Variants in KLF12 observed in about 807,000 individuals in gnomAD.
The protein encoded by KLF12 is Krueppel-like factor 12.
In KLF12, 9 loss-of-function variants were observed where a neutral mutation model predicts 37.8. The ratio of observed to expected loss-of-function variants is 0.24; its 90% CI spans 0.14 to 0.42. The LOEUF is 0.42. KLF12 is among the 10% of genes least tolerant of loss of function. The pLI, the probability that KLF12 is intolerant of heterozygous loss-of-function variation, is 1.00. For missense variants in KLF12, 411 were observed against 516.0 expected (o/e 0.80, Z 1.97); for synonymous variants, 208 against 202.1 (o/e 1.03, Z -0.25).
At chr13:74,038,756 G>C (rs1893323397) in intron 1 of KLF12, among the ~76,000 whole-genome samples, 2 of 152,140 alleles carry the variant, frequency 1.3e-5, no homozygotes, top group South Asian at 2.1e-4. Flanking sequence ...GACTGCTTTT[G>C]TAAGAAAGGG....
At chr13:74,295,312 C>G in the KLF12 span, among the ~76,000 whole-genome samples, 2 of 152,166 alleles carry the variant, frequency 1.3e-5, no homozygotes, top group Non-Finnish European at 2.9e-5. Context: ...CCTCCACTCC[C>G]TATAAACCAC....
chr13:74,174,577 C>A, the KLF12 span, among the ~76,000 whole-genome samples: 2 of 151,968 alleles, frequency 1.3e-5, no homozygotes, highest in Non-Finnish European at 2.9e-5. Context: ...CCCATGGAAC[C>A]CACTGAAAGG....
chr13:74,273,486 A>G, the KLF12 span, among the ~76,000 whole-genome samples: 3 of 149,940 alleles, frequency 2.0e-5, no homozygotes, highest in African/African-American at 4.9e-5. Flanking sequence ...TCTTTTTTCC[A>G]TATTTGTGAA....
intron 7 of KLF12, among the ~76,000 whole-genome samples, chr13:73,698,151 C>CGAAA (rs543335195): frequency 2.8e-5 from 4 of 143,974 alleles, no homozygotes; most frequent in South Asian, 2.2e-4. Flanking sequence ...AGTATGACCC[C>CGAAA]GAAAGAAAGA....
At chr13:73,728,120 T>A (rs761128299) in intron 6 of KLF12, among the ~76,000 whole-genome samples, 1 of 152,228 alleles carries the variant, frequency 6.6e-6, no homozygotes, top group African/African-American at 2.4e-5. Flanking sequence ...TCCGTTTAAT[T>A]AAAAAAATTT....
At chr13:74,169,491 AC>A in the KLF12 span, among the ~76,000 whole-genome samples, 4 of 152,230 alleles carry the variant, frequency 2.6e-5, no homozygotes, top group Non-Finnish European at 4.4e-5. Context: ...AATAACTAAT[AC>A]AGAGAGCAAT....
At chr13:73,964,779 C>T (rs1223714730) in intron 2 of KLF12, among the ~76,000 whole-genome samples, 1 of 151,926 alleles carries the variant, frequency 6.6e-6, no homozygotes, top group African/African-American at 2.4e-5. Flanking sequence ...CCCAAGTGTT[C>T]GAGACTGGCG....
upstream of KLF12, among the ~76,000 whole-genome samples, chr13:74,134,724 G>C (rs911692739): frequency 6.6e-6 from 1 of 152,058 alleles, no homozygotes; most frequent in Non-Finnish European, 1.5e-5. Context: ...CGCTGGGCAA[G>C]GACTCGCGCC....
rs1005595154 is a variant in KLF12 at position 73,693,120 on chromosome 13, A to C, written c.*2370T>G. On this transcript the variant is annotated 3_prime_UTR_variant, in exon 8 of 8. Transcript: ENST00000377669. Reference sequence around the variant, plus strand: ...CAAGCAGGACTAAATACAAATCTACACTTCACTTGAGAGATGCACCCACTA... The same window carrying C: ...CAAGCAGGACTAAATACAAATCTACCCTTCACTTGAGAGATGCACCCACTA... The C allele has an allele frequency of 2.0e-5, 3 of 152,148 alleles. No individual in the cohort carries two copies. Among genetic ancestry groups the C allele is most frequent in the African/African-American group, 4.8e-5 (2 of 41,424 alleles). The allele number at this position is 152,148 out of a possible 1,614,324, so 9.4% of individuals were successfully genotyped here.
Position 73,861,730 on chromosome 13 carries a change from T to C in KLF12, c.124-15357A>G, listed in dbSNP as rs144848562. Among the ~76,000 whole-genome samples the C allele has an allele frequency of 5.1e-3, 780 of 152,264 alleles. 2 individuals are homozygous for C. The highest frequency in any genetic ancestry group is 8.5e-3 in the South Asian group (41 of 4,824). On this transcript the variant is annotated intron_variant, in intron 3 of 7. Coordinates refer to ENST00000377669, the MANE Select transcript of KLF12 (RefSeq NM_007249.5). ...CATTTTTCCTTCTCTAACTCTTCCA[T>C]ATGTGTTAATCATGTAAATATATCT...
At chr13:74,272,181 C>G in the KLF12 span, among the ~76,000 whole-genome samples, 1 of 152,100 alleles carries the variant, frequency 6.6e-6, no homozygotes, top group Non-Finnish European at 1.5e-5. Context: ...AAATAAATTG[C>G]TCTCTAGTCT....
chr13:74,007,357 G>A (rs1892436412), intron 1 of KLF12, among the ~76,000 whole-genome samples: 1 of 151,546 alleles, frequency 6.6e-6, no homozygotes, highest in South Asian at 2.1e-4. Context: ...CTCACTGCAA[G>A]CTCCATCCCC....
the KLF12 span, among the ~76,000 whole-genome samples, chr13:74,264,095 C>A: frequency 7.9e-5 from 12 of 152,116 alleles, no homozygotes; most frequent in Non-Finnish European, 1.5e-4. Context: ...GGATGACAGA[C>A]TGTGGTAAGC....
the KLF12 span, among the ~76,000 whole-genome samples, chr13:74,253,920 T>C: frequency 6.6e-6 from 1 of 152,216 alleles, no homozygotes; most frequent in Non-Finnish European, 1.5e-5. Context: ...TATGAAACTT[T>C]TAATGTTTTT....
chr13:73,916,120 A>C (rs1888815654), intron 3 of KLF12, among the ~76,000 whole-genome samples: 1 of 151,956 alleles, frequency 6.6e-6, no homozygotes, highest in Non-Finnish European at 1.5e-5. Context: ...AGAGGATTGG[A>C]ATAATTTGGC....
chr13:73,743,597 CA>C (rs1566335759), intron 6 of KLF12, among the ~76,000 whole-genome samples: 1 of 152,096 alleles, frequency 6.6e-6, no homozygotes, highest in African/African-American at 2.4e-5. Context: ...ATTAAAGTTA[CA>C]AGGAAACTTC....
chr13:73,842,841 T>C (rs1018483394), intron 4 of KLF12, among the ~76,000 whole-genome samples: 3 of 137,112 alleles, frequency 2.2e-5, no homozygotes, highest in Non-Finnish European at 3.4e-5. Flanking sequence ...GCTGCATATA[T>C]GCTAAACAAA....
intron 3 of KLF12, among the ~76,000 whole-genome samples, chr13:73,928,476 G>T (rs1384233440): frequency 6.6e-6 from 1 of 152,124 alleles, no homozygotes; most frequent in African/African-American, 2.4e-5. Context: ...TATACAAATG[G>T]AAAGCAGTAC....
chr13:74,264,528 T>C, the KLF12 span, among the ~76,000 whole-genome samples: 2 of 152,292 alleles, frequency 1.3e-5, no homozygotes, highest in South Asian at 4.1e-4. Flanking sequence ...TTGAAGGACT[T>C]GAAATAGCCA....
Sources: gnomAD v4.1 joint callset for allele counts (sites outside exome capture counted in the v4.1 genomes callset) on GRCh38, gnomAD v4.1.1 for gene constraint, MANE v1.5 for transcripts, NCBI Gene and HGNC (gene_info 2026-07-23, HGNC 2026-07-21) for gene names.